The following TRPS1 variants were observed in gnomAD, a reference collection of about 807,000 sequenced individuals.
TRPS1 encodes transcriptional repressor GATA binding 1, also known as zinc finger transcription factor Trps1.
In TRPS1, 6 loss-of-function variants were observed where a neutral mutation model predicts 101.2. That is an observed-to-expected ratio of 0.06 (90% CI 0.03 to 0.12). TRPS1 has a LOEUF of 0.12. Among genes scored for constraint, TRPS1 ranks in the 10% least tolerant of loss-of-function variants. The probability of loss-of-function intolerance (pLI) is 1.00; values close to 1 mark genes in which losing one functional copy is unlikely to be tolerated. For missense variants in TRPS1, 1,363 were observed against 1,567.0 expected, an observed-to-expected ratio of 0.87 and a Z score of 2.20; for synonymous variants, 578 against 589.8, an observed-to-expected ratio of 0.98 and a Z score of 0.29.
At chr8:115,577,188 A>C (rs1288073980) in intron 5 of TRPS1, among the ~76,000 whole-genome samples, 1 of 152,112 alleles carries the variant, frequency 6.6e-6, no homozygotes, top group Non-Finnish European at 1.5e-5. Context: ...CAAAAGTCCC[A>C]CTCTGAGTCT....
chr8:115,519,375 C>T (rs1417215912), intron 5 of TRPS1, among the ~76,000 whole-genome samples: 3 of 151,034 alleles, frequency 2.0e-5, no homozygotes, highest in Non-Finnish European at 4.4e-5. Context: ...TTTTGAAATC[C>T]ACTACGTAAA....
At chr8:115,494,096 T>A (rs770881646) in intron 5 of TRPS1, among the ~76,000 whole-genome samples, 8 of 152,336 alleles carry the variant, frequency 5.3e-5, no homozygotes, top group Admixed American at 2.0e-4. Flanking sequence ...AACTCCAGTG[T>A]CCATGGCAAC....
At chr8:115,497,165 C>G (rs1190653270) in intron 5 of TRPS1, among the ~76,000 whole-genome samples, 1 of 152,128 alleles carries the variant, frequency 6.6e-6, no homozygotes, top group African/African-American at 2.4e-5. Context: ...CTGTTTGGCA[C>G]CAGGGACAGG....
At chr8:115,440,350 G>A (rs572957670) in intron 5 of TRPS1, among the ~76,000 whole-genome samples, 27 of 152,282 alleles carry the variant, frequency 1.8e-4, no homozygotes, top group Admixed American at 7.8e-4. Context: ...GCTGAGACAA[G>A]CCTCCCTGTT....
intron 1 of TRPS1, chr8:115,637,186 A>G (rs1490879432): frequency 1.1e-6 from 1 of 907,852 alleles, no homozygotes; most frequent in East Asian, 1.2e-4. Flanking sequence ...CAATATTAAC[A>G]TATGTCAAGA....
chr8:115,427,327 AC>A (rs1813210909), intron 5 of TRPS1, among the ~76,000 whole-genome samples: 1 of 152,140 alleles, frequency 6.6e-6, no homozygotes. Context: ...TTTTGAATCA[AC>A]TATTTAATAG....
chr8:115,661,804 C>T (rs1811803162), intron 1 of TRPS1: 3 of 151,272 alleles, frequency 2.0e-5, no homozygotes, highest in Admixed American at 1.3e-4. Flanking sequence ...AACCCCTCCC[C>T]ACCACTTACC....
intron 5 of TRPS1, among the ~76,000 whole-genome samples, chr8:115,545,891 C>T (rs1161893591): frequency 6.6e-6 from 1 of 152,066 alleles, no homozygotes; most frequent in Non-Finnish European, 1.5e-5. Context: ...GCACACTTTG[C>T]AACTTATTTC....
chr8:115,554,611 T>C lies in TRPS1; in HGVS notation c.2700+32390A>G, dbSNP rs182329153. 2.0e-4 allele frequency among the ~76,000 whole-genome samples: 31 copies of C among 152,280 alleles called. No individual in the cohort carries two copies. In the East Asian group the frequency reaches 4.6e-3, roughly 23 times the overall value. On this transcript the variant is annotated intron_variant, in intron 5 of 6. Coordinates refer to ENST00000395715, the MANE Select transcript of TRPS1 (RefSeq NM_014112.5). ...GCCCACACATTATGACCAATGAGGA[T>C]TGCACCGCAGTTTTCGATTCAAGAT...
At chr8:115,595,411 A>G (rs537529821) in intron 4 of TRPS1, among the ~76,000 whole-genome samples, 1 of 152,088 alleles carries the variant, frequency 6.6e-6, no homozygotes, top group South Asian at 2.1e-4. Flanking sequence ...AAGAGGAGAA[A>G]TAGTCTACAG....
chr8:115,637,111 A>G, intron 1 of TRPS1: 1 of 298,500 alleles, frequency 3.4e-6, no homozygotes, highest in Non-Finnish European at 4.9e-6. Flanking sequence ...TAAGAATTGC[A>G]CAGCTACAGG....
chr8:115,462,371 T>C (rs1471047632), intron 5 of TRPS1, among the ~76,000 whole-genome samples: 1 of 152,166 alleles, frequency 6.6e-6, no homozygotes, highest in African/African-American at 2.4e-5. Flanking sequence ...CAGTAGTTAC[T>C]TGGATCCACT....
chr8:115,611,218 T>C (rs576310100), intron 3 of TRPS1, among the ~76,000 whole-genome samples: 120 of 151,838 alleles, frequency 7.9e-4, no homozygotes, highest in African/African-American at 2.3e-3. Flanking sequence ...CAAAGCTAAG[T>C]GAATTCCCCA....
intron 5 of TRPS1, among the ~76,000 whole-genome samples, chr8:115,513,187 G>A (rs1815625862): frequency 6.6e-6 from 1 of 151,722 alleles, no homozygotes; most frequent in Non-Finnish European, 1.5e-5. Flanking sequence ...TAAATATAAT[G>A]TAACTAACAT....
intron 5 of TRPS1, among the ~76,000 whole-genome samples, chr8:115,465,128 T>G (rs1053989281): frequency 5.9e-5 from 9 of 151,980 alleles, no homozygotes; most frequent in Admixed American, 4.6e-4. Context: ...CACTTCAGAG[T>G]TGGGATTTTA....
At chr8:115,531,300 A>G (rs529720796) in intron 5 of TRPS1, among the ~76,000 whole-genome samples, 2 of 152,256 alleles carry the variant, frequency 1.3e-5, no homozygotes, top group South Asian at 4.1e-4. Flanking sequence ...ACTTTCTATT[A>G]AATTAAATAG....
At chr8:115,596,177 C>T (rs1315627580) in intron 4 of TRPS1, among the ~76,000 whole-genome samples, 2 of 151,892 alleles carry the variant, frequency 1.3e-5, no homozygotes. Context: ...TCGTAAATCT[C>T]CTAATACACA....
chr8:115,484,168 CA>C (rs1452409661), intron 5 of TRPS1, among the ~76,000 whole-genome samples: 1 of 151,824 alleles, frequency 6.6e-6, no homozygotes, highest in African/African-American at 2.4e-5. Context: ...TATCTCAAAA[CA>C]AGGCATACTA....
chr8:115,574,734 T>G (rs1817277859), intron 5 of TRPS1, among the ~76,000 whole-genome samples: 1 of 98,992 alleles, frequency 1.0e-5, no homozygotes, highest in South Asian at 3.3e-4. Flanking sequence ...TGAAGGCAGT[T>G]AAATCCCATA....
Sources: allele counts gnomAD v4.1 joint callset (sites outside exome capture counted in the v4.1 genomes callset), GRCh38; gene constraint gnomAD v4.1.1; transcripts MANE v1.5; gene names NCBI Gene and HGNC (gene_info 2026-07-23, HGNC 2026-07-21).